C5orf47: variants seen among roughly 807,000 people sequenced by gnomAD.
The protein encoded by C5orf47 is chromosome 5 open reading frame 47, also known as uncharacterized protein C5orf47.
A neutral mutation model predicts 20.6 loss-of-function variants in C5orf47; 20 were observed. That is an observed-to-expected ratio of 0.97 (90% CI 0.68 to 1.41). C5orf47 has a LOEUF of 1.41. Among genes scored for constraint, C5orf47 ranks in the 40% most tolerant of loss-of-function variants. The probability of loss-of-function intolerance (pLI) is 0.00; values close to 1 mark genes in which losing one functional copy is unlikely to be tolerated. For synonymous variants in C5orf47, 106 were observed against 97.3 expected (o/e 1.09, Z -0.53); for missense variants, 262 against 238.4 (o/e 1.10, Z -0.65).
downstream of C5orf47, among the ~76,000 whole-genome samples, chr5:174,008,183 T>C (rs560916899): frequency 6.6e-6 from 1 of 152,316 alleles, no homozygotes; most frequent in East Asian, 1.9e-4. Context: ...ACTGCTCAAA[T>C]CTTGATTCCC....
downstream of C5orf47, among the ~76,000 whole-genome samples, chr5:174,008,848 AAAAC>A (rs1009759910): frequency 9.9e-5 from 15 of 151,646 alleles, no homozygotes; most frequent in Non-Finnish European, 1.8e-4. Flanking sequence ...AAAAGAAAGA[AAAAC>A]AACTTCTGAC....
rs1027223755 is a variant in C5orf47 at position 173,998,512 on chromosome 5, T to C, written c.411+274T>C. 2.6e-5 allele frequency among the ~76,000 whole-genome samples: 4 copies of C among 152,212 alleles called. No homozygotes were observed. In the East Asian group the frequency reaches 7.7e-4, roughly 29 times the overall value. ...CCCCACTGGAGGATTTTTCAAAGCATGATATATGTTCCACAGAATATAATA... is the reference window on the plus strand; with the variant it reads ...CCCCACTGGAGGATTTTTCAAAGCACGATATATGTTCCACAGAATATAATA... On this transcript the variant is annotated intron_variant, in intron 2 of 4. Coordinates refer to ENST00000340147, the MANE Select transcript of C5orf47 (RefSeq NM_001144954.2).
intron 2 of C5orf47, 72 bp from the exon 3 acceptor site, chr5:173,999,628 C>T (rs1257576493): frequency 6.3e-6 from 4 of 630,152 alleles, no homozygotes; most frequent in African/African-American, 1.9e-5. Flanking sequence ...TTGAGGCATT[C>T]CCAGTTGCCT....
At chr5:173,991,593 TTTA>T (rs1758998903) in intron 1 of C5orf47, among the ~76,000 whole-genome samples, 1 of 152,278 alleles carries the variant, frequency 6.6e-6, no homozygotes, top group South Asian at 2.1e-4. Context: ...TTTAGATTTG[TTTA>T]TTAATATGGA....
In C5orf47 at chr5:173,989,403, C is replaced by A. The variant is rs753793741; in HGVS notation, c.140C>A (p.Ala47Glu). 25 of 1,545,004 alleles carry A rather than the reference C, an allele frequency of 1.6e-5. No individual in the cohort carries two copies. Among genetic ancestry groups the A allele is most frequent in the Non-Finnish European group, 2.0e-5 (23 of 1,143,884 alleles). Residue 47 changes from alanine to glutamate, a missense_variant, in exon 1 of 5, where the codon GCA becomes GAA. Physicochemically the swap from Ala to Glu is moderately radical, Grantham distance 107. Coordinates refer to ENST00000340147, the MANE Select transcript of C5orf47 (RefSeq NM_001144954.2). The stretch of plus-strand genomic sequence containing the variant: ...GGCCTTTGGGGTCAGGGGCCTGGGG[C>A]AGGCTGTCGCCAGGAGAAGCCGAGG... ...AQGLWGQGPG[A>E]GCRQEKPREA...
chr5:173,993,686 A>G (rs865954094), intron 1 of C5orf47, among the ~76,000 whole-genome samples: 32 of 152,138 alleles, frequency 2.1e-4, no homozygotes, highest in African/African-American at 7.2e-4. Flanking sequence ...AGATTTATTG[A>G]CCGTGCTGTA....
intron 1 of C5orf47, among the ~76,000 whole-genome samples, chr5:173,989,959 C>G (rs1039129321): frequency 1.3e-5 from 2 of 152,186 alleles, no homozygotes; most frequent in Non-Finnish European, 2.9e-5. Context: ...ACAGCATGAG[C>G]TTTACGTTTA....
chr5:174,003,302 G>A (rs909283335), intron 4 of C5orf47, among the ~76,000 whole-genome samples: 3 of 152,054 alleles, frequency 2.0e-5, no homozygotes, highest in Non-Finnish European at 4.4e-5. Flanking sequence ...AGAAAATCTG[G>A]GGATTGTAAT....
chr5:173,995,851 G>C (rs1414348377), intron 1 of C5orf47, among the ~76,000 whole-genome samples: 6 of 152,216 alleles, frequency 3.9e-5, no homozygotes, highest in Admixed American at 1.3e-4. Context: ...AGTTATCAGA[G>C]ACAGGTGCAC....
At chr5:173,999,564 C>G in intron 2 of C5orf47, 136 bp from the exon 3 acceptor site, 1 of 407,692 alleles carries the variant, frequency 2.5e-6, no homozygotes, top group East Asian at 3.8e-5. Flanking sequence ...GGTTTTAGTT[C>G]TCTAAATGCT....
At chr5:173,993,169 C>T (rs1759029307) in intron 1 of C5orf47, among the ~76,000 whole-genome samples, 1 of 152,064 alleles carries the variant, frequency 6.6e-6, no homozygotes, top group Non-Finnish European at 1.5e-5. Context: ...TGGCCAGAGC[C>T]CCTGTAGGTC....
At chr5:174,007,779 C>CA (rs1420452514), downstream of C5orf47, among the ~76,000 whole-genome samples, 1 of 152,066 alleles carries the variant, frequency 6.6e-6, no homozygotes, top group African/African-American at 2.4e-5. Context: ...AGGCTGGTCT[C>CA]AAACTCTTGA....
intron 1 of C5orf47, among the ~76,000 whole-genome samples, chr5:173,995,111 C>A (rs776276301): frequency 6.6e-6 from 1 of 152,178 alleles, no homozygotes; most frequent in Non-Finnish European, 1.5e-5. Flanking sequence ...CCACACCCAG[C>A]CCTTAATGTT....
intron 1 of C5orf47, among the ~76,000 whole-genome samples, chr5:173,993,432 G>A (rs771091825): frequency 6.7e-6 from 1 of 150,166 alleles, no homozygotes; most frequent in Non-Finnish European, 1.5e-5. Flanking sequence ...CACGAGATCA[G>A]GAGTTTGAGA....
rs1759251854 is a variant in C5orf47 at position 174,004,471 on chromosome 5, A to G, written c.*217A>G. On this transcript the variant is annotated 3_prime_UTR_variant, in exon 5 of 5. Transcript: ENST00000340147. ...TAATACCTTTAGTTAAATATTGTTA[A>G]CCATATGCATGCAAGTGTTATTTTC... is the stretch of plus-strand genomic sequence containing the variant. 6.6e-6 allele frequency: 1 copy of G among 152,232 alleles called. No homozygotes were observed. The highest frequency in any genetic ancestry group is 6.5e-5 in the Admixed American group (1 of 15,270). The allele number at this position is 152,232 out of a possible 1,614,324, so 9.4% of individuals were successfully genotyped here.
chr5:174,000,253 G>A (rs541020681), intron 3 of C5orf47, among the ~76,000 whole-genome samples: 1 of 152,216 alleles, frequency 6.6e-6, no homozygotes, highest in East Asian at 1.9e-4. Context: ...CTACCCTTGA[G>A]TTATAGCCTT....
chr5:173,997,341 C>T (rs928297753), intron 1 of C5orf47, among the ~76,000 whole-genome samples: 1 of 152,138 alleles, frequency 6.6e-6, no homozygotes, highest in Non-Finnish European at 1.5e-5. Context: ...GGAACACACG[C>T]TCATTATTTT....
At chr5:174,003,087 G>C (rs1246873093) in intron 4 of C5orf47, among the ~76,000 whole-genome samples, 1 of 152,082 alleles carries the variant, frequency 6.6e-6, no homozygotes, top group East Asian at 1.9e-4. Flanking sequence ...TGAGCTCTTG[G>C]TTAAGTTGTT....
Position 173,989,520 on chromosome 5 carries a change from C to T in C5orf47, c.257C>T (p.Ala86Val). ...RVPTTPGVEA[A>V]ASASSQLRAS... is the part of the protein sequence containing the mutation. ...CCCACGACCCCTGGTGTGGAGGCTG[C>T]GGCCTCTGCCTCCTCCCAGCTGCGG... is the stretch of plus-strand genomic sequence containing the variant. The change falls in exon 1 of 5, where the codon GCG (alanine) becomes GTG (valine). Residue 86 changes from alanine to valine, a missense_variant. Ala to Val is a moderately conservative substitution (Grantham distance 64). Transcript: ENST00000340147. The T allele has an allele frequency of 6.5e-7, 1 of 1,532,772 alleles. No individual in the cohort carries two copies. 94.9% of individuals were successfully genotyped at this position (1,532,772 alleles called of 1,614,324 possible).
Sources: gnomAD v4.1 joint callset for allele counts (sites outside exome capture counted in the v4.1 genomes callset) on GRCh38, gnomAD v4.1.1 for gene constraint, MANE v1.5 for transcripts, NCBI Gene and HGNC (gene_info 2026-07-23, HGNC 2026-07-21) for gene names.